WDR7: variants seen among roughly 807,000 people sequenced by gnomAD.
The protein encoded by WDR7 is WD repeat-containing protein 7.
A neutral mutation model predicts 169.4 loss-of-function variants in WDR7; 46 were observed. The ratio of observed to expected loss-of-function variants is 0.27; its 90% CI spans 0.21 to 0.35. The LOEUF (loss-of-function observed/expected upper bound fraction) is 0.35, where lower values mean the gene tolerates loss of function less well. WDR7 is among the 10% of genes least tolerant of loss of function. The probability of loss-of-function intolerance (pLI) is 1.00; values close to 1 mark genes in which losing one functional copy is unlikely to be tolerated. For missense variants in WDR7, 1,534 were observed against 1,859.3 expected (o/e 0.83, Z 3.22); for synonymous variants, 612 against 666.8 (o/e 0.92, Z 1.27).
intron 26 of WDR7, among the ~76,000 whole-genome samples, chr18:56,990,723 A>G (rs2047799542): frequency 6.6e-6 from 1 of 152,174 alleles, no homozygotes; most frequent in South Asian, 2.1e-4. Context: ...GGTAAGCTTT[A>G]CTTATATATA....
chr18:56,719,580 C>CAAAAAAACAA (rs2026274941), intron 13 of WDR7, among the ~76,000 whole-genome samples: 1 of 135,618 alleles, frequency 7.4e-6, no homozygotes, highest in African/African-American at 2.6e-5. Context: ...AAAAAAAAAA[C>CAAAAAAACAA]AGAATTGCTG....
At chr18:56,783,921 C>A (rs1233245419) in intron 19 of WDR7, among the ~76,000 whole-genome samples, 1 of 152,126 alleles carries the variant, frequency 6.6e-6, no homozygotes, top group East Asian at 1.9e-4. Context: ...TGAAGCAGTG[C>A]CAGAACTGTG....
At chr18:56,893,600 T>G (rs1331352215) in intron 21 of WDR7, among the ~76,000 whole-genome samples, 2 of 152,120 alleles carry the variant, frequency 1.3e-5, no homozygotes, top group Admixed American at 6.6e-5. Context: ...AAACGGTAGG[T>G]GCTCATGGAC....
chr18:56,911,652 C>A (rs563832118), intron 21 of WDR7, among the ~76,000 whole-genome samples: 151 of 152,272 alleles, frequency 9.9e-4, no homozygotes, highest in African/African-American at 3.5e-3. Context: ...TCAGCAATTC[C>A]TTGTTCCAGT....
At position 56,701,978 on chromosome 18, in the gene WDR7, TAGAG is replaced by T. The variant is rs1214309693; in HGVS notation, c.1578+5522_1578+5525del. On this transcript the variant is annotated intron_variant, in intron 12 of 27. Transcript: ENST00000254442. ...CAAAATTTACACAACACAGCGTGGT[TAGAG>T]AGAGAATGATTTTCAGATTGGAGTA... is the stretch of plus-strand genomic sequence containing the variant. Among the ~76,000 whole-genome samples the T allele has an allele frequency of 5.9e-5, 9 of 152,308 alleles. No individual in the cohort carries two copies. In the East Asian group the frequency reaches 1.2e-3, roughly 20 times the overall value.
At chr18:56,857,948 G>A (rs2045747680) in intron 20 of WDR7, among the ~76,000 whole-genome samples, 1 of 151,936 alleles carries the variant, frequency 6.6e-6, no homozygotes, top group Non-Finnish European at 1.5e-5. Context: ...ACATGACTAG[G>A]TTTTCCCCAG....
chr18:56,910,366 A>G (rs1373063243), intron 21 of WDR7, among the ~76,000 whole-genome samples: 1 of 152,176 alleles, frequency 6.6e-6, no homozygotes, highest in Non-Finnish European at 1.5e-5. Flanking sequence ...TGTATTTGAT[A>G]ATTTTTGGGG....
At chr18:56,758,090 GAGAA>G (rs1175383393) in intron 15 of WDR7, among the ~76,000 whole-genome samples, 1 of 152,122 alleles carries the variant, frequency 6.6e-6, no homozygotes, top group Non-Finnish European at 1.5e-5. Context: ...TTTTTCAATA[GAGAA>G]AGAAAAAACT....
Position 56,939,363 on chromosome 18 carries a change from G to T in WDR7, c.4034G>T (p.Gly1345Val), listed in dbSNP as rs1361852589. Residue 1345 changes from glycine (G) to valine (V), a missense_variant, in exon 25 of 28, where the codon GGT becomes GTT. By Grantham distance (109) the Gly-to-Val change is moderately radical. Transcript: ENST00000254442. Reference sequence around the variant, plus strand: ...GAAGGATCTTTAGTTAAAAAGAAAGGTCTTCAAGAATGTTTCCCAGCCATC... The same window carrying T: ...GAAGGATCTTTAGTTAAAAAGAAAGTTCTTCAAGAATGTTTCCCAGCCATC... The part of the protein sequence containing the change: ...CLEGSLVKKK[G>V]LQECFPAICR... 6.3e-7 allele frequency: 1 copy of T among 1,577,348 alleles called. No homozygotes were observed. Among genetic ancestry groups the T allele is most frequent in the Non-Finnish European group, 8.6e-7 (1 of 1,159,832 alleles).
intron 26 of WDR7, among the ~76,000 whole-genome samples, chr18:57,004,931 G>A (rs183829739): frequency 6.6e-6 from 1 of 152,226 alleles, no homozygotes; most frequent in East Asian, 1.9e-4. Context: ...TTGTAGTTCT[G>A]TATTAACTCG....
chr18:56,950,588 T>C (rs2047167540), intron 25 of WDR7, among the ~76,000 whole-genome samples: 1 of 152,204 alleles, frequency 6.6e-6, no homozygotes, highest in Non-Finnish European at 1.5e-5. Flanking sequence ...TTTTTCTTTC[T>C]TAAAACTCGT....
chr18:57,008,920 G>A (rs1334947370), intron 26 of WDR7, among the ~76,000 whole-genome samples: 2 of 152,082 alleles, frequency 1.3e-5, no homozygotes, highest in Non-Finnish European at 2.9e-5. Flanking sequence ...AATCCCATGA[G>A]GTAGGCAAGA....
intron 26 of WDR7, among the ~76,000 whole-genome samples, chr18:56,984,581 A>G (rs1234163605): frequency 5.3e-5 from 8 of 152,326 alleles, no homozygotes; most frequent in Admixed American, 3.9e-4. Flanking sequence ...AAACTTGGTT[A>G]AACTTTGATT....
chr18:56,704,771 C>T (rs1003698216), intron 12 of WDR7, among the ~76,000 whole-genome samples: 2 of 152,156 alleles, frequency 1.3e-5, no homozygotes, highest in African/African-American at 4.8e-5. Context: ...GAAATTCTTA[C>T]ATTTTGGAAA....
intron 19 of WDR7, among the ~76,000 whole-genome samples, chr18:56,793,174 C>A (rs141284296): frequency 2.6e-5 from 4 of 152,142 alleles, no homozygotes; most frequent in Non-Finnish European, 5.9e-5. Context: ...ACCCTGAATG[C>A]GCCTGATCTT....
intron 16 of WDR7, among the ~76,000 whole-genome samples, chr18:56,771,491 G>A (rs2044156015): frequency 1.3e-5 from 2 of 151,862 alleles, no homozygotes. Flanking sequence ...GGAGGCTGAG[G>A]TAGGTGGATT....
At chr18:57,021,708 T>C (rs1370215) in intron 27 of WDR7, among the ~76,000 whole-genome samples, 44,941 of 152,058 alleles carry the variant, frequency 0.3, 7,479 homozygotes, top group East Asian at 0.77. Flanking sequence ...GTCCTGAAAA[T>C]TACCAAGAAA....
At chr18:56,717,323 CA>C (rs760921582) in intron 12 of WDR7, among the ~76,000 whole-genome samples, 1 of 152,178 alleles carries the variant, frequency 6.6e-6, no homozygotes, top group Non-Finnish European at 1.5e-5. Flanking sequence ...AGTTGAAGGG[CA>C]AAAACTAGAG....
At chr18:56,891,830 G>A (rs1010190251) in intron 21 of WDR7, among the ~76,000 whole-genome samples, 5 of 151,926 alleles carry the variant, frequency 3.3e-5, no homozygotes, top group African/African-American at 1.2e-4. Flanking sequence ...CATTTTATAT[G>A]TTTAAATATA....
Sources: allele counts gnomAD v4.1 joint callset (sites outside exome capture counted in the v4.1 genomes callset), GRCh38; gene constraint gnomAD v4.1.1; transcripts MANE v1.5; gene names NCBI Gene and HGNC (gene_info 2026-07-23, HGNC 2026-07-21).